CENPW: variants seen among roughly 807,000 people sequenced by gnomAD.
The protein encoded by CENPW is centromere protein W, also known as cancer-up-regulated gene 2 protein.
A neutral mutation model predicts 11.1 loss-of-function variants in CENPW; 3 were observed. That is an observed-to-expected ratio of 0.27 (90% CI 0.12 to 0.70). The LOEUF is 0.70. Ranked by LOEUF, CENPW falls within the 30% of genes least tolerant of loss-of-function variation. The probability of loss-of-function intolerance (pLI) is 0.77; values close to 1 mark genes in which losing one functional copy is unlikely to be tolerated. For synonymous variants in CENPW, 38 were observed against 42.0 expected (o/e 0.91, Z 0.37); for missense variants, 100 against 105.6 (o/e 0.95, Z 0.23).
the CENPW span, among the ~76,000 whole-genome samples, chr6:126,410,605 T>A: frequency 6.6e-6 from 1 of 151,784 alleles, no homozygotes; most frequent in African/African-American, 2.4e-5. Context: ...CTTTTTTTCC[T>A]GTCTTCTGCT....
the CENPW span, among the ~76,000 whole-genome samples, chr6:126,470,870 C>G: frequency 1.3e-5 from 2 of 152,248 alleles, no homozygotes; most frequent in Admixed American, 1.3e-4. Flanking sequence ...TGGCTGATTT[C>G]TCCCATTTGT....
the CENPW span, among the ~76,000 whole-genome samples, chr6:126,398,589 A>C: frequency 1.9e-3 from 283 of 152,248 alleles, 2 homozygotes; most frequent in African/African-American, 6.2e-3. Flanking sequence ...ATTCTATGGG[A>C]ATAGTTATAC....
the CENPW span, among the ~76,000 whole-genome samples, chr6:126,382,893 C>A: frequency 6.6e-6 from 1 of 152,086 alleles, no homozygotes; most frequent in Non-Finnish European, 1.5e-5. Context: ...TATCCCCAAC[C>A]AAGCTAGAGA....
At chr6:126,342,738 A>G (rs1395708179) in intron 1 of CENPW, among the ~76,000 whole-genome samples, 1 of 151,974 alleles carries the variant, frequency 6.6e-6, no homozygotes, top group African/African-American at 2.4e-5. Context: ...TATGGGTTTG[A>G]TTCTGCCACT....
At chr6:126,402,184 T>A in the CENPW span, among the ~76,000 whole-genome samples, 1 of 152,016 alleles carries the variant, frequency 6.6e-6, no homozygotes, top group Non-Finnish European at 1.5e-5. Context: ...ACAGGAAAAT[T>A]GAGCAATTAT....
chr6:126,410,394 T>G, the CENPW span, among the ~76,000 whole-genome samples: 26 of 152,108 alleles, frequency 1.7e-4, no homozygotes, highest in Non-Finnish European at 2.4e-4. Context: ...ATATATGAAT[T>G]GATACTTTTC....
chr6:126,433,268 T>C, the CENPW span, among the ~76,000 whole-genome samples: 1 of 152,218 alleles, frequency 6.6e-6, no homozygotes, highest in Non-Finnish European at 1.5e-5. Flanking sequence ...TGTTTAATTC[T>C]GTCTTTCCCT....
the CENPW span, among the ~76,000 whole-genome samples, chr6:126,375,736 A>G: frequency 1.3e-5 from 2 of 151,574 alleles, no homozygotes; most frequent in Non-Finnish European, 2.9e-5. Context: ...TTTCTTTTAT[A>G]TGTTATTCCT....
At chr6:126,424,989 C>CA in the CENPW span, among the ~76,000 whole-genome samples, 2 of 151,784 alleles carry the variant, frequency 1.3e-5, no homozygotes, top group Non-Finnish European at 2.9e-5. Context: ...ATCAAAGATC[C>CA]AAAAAAGGTT....
At chr6:126,478,491 G>A in the CENPW span, among the ~76,000 whole-genome samples, 1 of 151,750 alleles carries the variant, frequency 6.6e-6, no homozygotes, top group African/African-American at 2.4e-5. Context: ...CCAACACATA[G>A]AGAAAGCTGA....
the CENPW span, among the ~76,000 whole-genome samples, chr6:126,408,617 G>C: frequency 5.9e-5 from 9 of 152,064 alleles, no homozygotes; most frequent in African/African-American, 2.2e-4. Context: ...ATGGACTGCA[G>C]ATTGAAATGG....
At chr6:126,406,600 T>A in the CENPW span, among the ~76,000 whole-genome samples, 3 of 152,132 alleles carry the variant, frequency 2.0e-5, no homozygotes, top group African/African-American at 7.2e-5. Flanking sequence ...ATGCCTGTAA[T>A]CCCATCACTT....
At chr6:126,451,279 T>C in the CENPW span, among the ~76,000 whole-genome samples, 75 of 150,792 alleles carry the variant, frequency 5.0e-4, no homozygotes, top group African/African-American at 1.7e-3. Context: ...GCATGGAAAA[T>C]AATTGAGTAC....
At chr6:126,448,947 C>G in the CENPW span, among the ~76,000 whole-genome samples, 1 of 151,116 alleles carries the variant, frequency 6.6e-6, no homozygotes, top group South Asian at 2.1e-4. Flanking sequence ...TTCAAACTAT[C>G]TTGCTCTAAC....
the CENPW span, among the ~76,000 whole-genome samples, chr6:126,425,507 T>C: frequency 3.4e-4 from 52 of 152,120 alleles, no homozygotes; most frequent in Admixed American, 5.2e-4. Flanking sequence ...AGTAGATTAC[T>C]AATCATTAAG....
At chr6:126,440,998 G>A in the CENPW span, among the ~76,000 whole-genome samples, 5 of 151,496 alleles carry the variant, frequency 3.3e-5, no homozygotes, top group African/African-American at 1.2e-4. Context: ...CATAATTTTT[G>A]TACAATAGAA....
the CENPW span, among the ~76,000 whole-genome samples, chr6:126,403,485 A>G: frequency 4.6e-5 from 7 of 152,128 alleles, no homozygotes; most frequent in East Asian, 1.3e-3. Context: ...GAATAGATCA[A>G]AGCAGCCACA....
rs1164755125 is a variant in CENPW, at chr6:126,346,254, G to A, written c.176G>A (p.Arg59Lys). The A allele has an allele frequency of 6.2e-6, 10 of 1,608,756 alleles. No individual in the cohort carries two copies. The highest frequency in any genetic ancestry group is 1.3e-5 in the African/African-American group (1 of 74,884). ...GTTCATCGATTAGCAGAAGAGTCCA[G>A]GACAAACGCTTGTGCGAGTAAATGT... is the stretch of plus-strand genomic sequence containing the variant. ...LFVHRLAEES[R>K]TNACASKCRV... Residue 59 changes from arginine (R) to lysine (K), a missense_variant, in exon 2 of 3, where the codon AGG becomes AAG. By Grantham distance (26) the Arg-to-Lys change is conservative. Coordinates refer to ENST00000368328, the MANE Select transcript of CENPW (RefSeq NM_001012507.4).
chr6:126,476,647 T>G, the CENPW span, among the ~76,000 whole-genome samples: 2 of 152,014 alleles, frequency 1.3e-5, no homozygotes, highest in Non-Finnish European at 2.9e-5. Flanking sequence ...TTGTAAGGCT[T>G]CCCATCTGTT....
Sources: gnomAD v4.1 joint callset for allele counts (sites outside exome capture counted in the v4.1 genomes callset) on GRCh38, gnomAD v4.1.1 for gene constraint, MANE v1.5 for transcripts, NCBI Gene and HGNC (gene_info 2026-07-23, HGNC 2026-07-21) for gene names.